Variants in LIN52 observed in about 807,000 individuals in gnomAD.
LIN52 encodes the protein lin-52 DREAM MuvB core complex component.
A neutral mutation model predicts 18.5 loss-of-function variants in LIN52; 4 were observed. The observed-to-expected ratio is 0.22, with a 90% CI of 0.11 to 0.49. The LOEUF (loss-of-function observed/expected upper bound fraction) is 0.49, where lower values mean the gene tolerates loss of function less well. LIN52 is among the 20% of genes least tolerant of loss of function. The pLI, the probability that LIN52 is intolerant of heterozygous loss-of-function variation, is 0.97. For synonymous variants in LIN52, 34 were observed against 45.5 expected (o/e 0.75, Z 1.02); for missense variants, 102 against 139.5 (o/e 0.73, Z 1.35).
chr14:74,099,704 G>A (rs1027868611), intron 4 of LIN52, among the ~76,000 whole-genome samples: 3 of 151,958 alleles, frequency 2.0e-5, no homozygotes, highest in East Asian at 1.9e-4. Flanking sequence ...GGGTTGGGGG[G>A]ACAGTGAGTT....
At chr14:74,091,163 T>G in intron 1 of LIN52, 69 bp from the exon 2 acceptor site, 562 of 1,110,324 alleles carry the variant, frequency 5.1e-4, no homozygotes, top group Non-Finnish European at 6.8e-4. Context: ...TTATGTCCTT[T>G]GAGATTGAAG....
At chr14:74,116,989 C>T (rs1366524285) in intron 5 of LIN52, among the ~76,000 whole-genome samples, 2 of 151,768 alleles carry the variant, frequency 1.3e-5, no homozygotes, top group Non-Finnish European at 2.9e-5. Context: ...GAAAAAAATA[C>T]TACTTAAAAA....
chr14:74,164,779 A>G (rs909102437), intron 5 of LIN52, among the ~76,000 whole-genome samples: 1 of 152,194 alleles, frequency 6.6e-6, no homozygotes, highest in African/African-American at 2.4e-5. Context: ...AGCAAAGCTT[A>G]CAGTCAACAA....
In LIN52 at chr14:74,135,267, G is replaced by T. The variant is rs555645755; in HGVS notation, c.283+34029G>T. Among the ~76,000 whole-genome samples the T allele has an allele frequency of 3.3e-4, 51 of 152,262 alleles. 1 individual carries two copies. Among genetic ancestry groups the T allele is most frequent in the African/African-American group, 1.2e-3 (48 of 41,550 alleles). On this transcript the variant is annotated intron_variant, in intron 5 of 5. Coordinates refer to ENST00000555028, the MANE Select transcript of LIN52 (RefSeq NM_001024674.3). ...TTTAGTAGAGACGGGGTTTCACCAT[G>T]TTGGCCAGGATATTCTTGATCTCCT...
chr14:74,085,044 TG>T, intron 1 of LIN52, 51 bp downstream of exon 1: 1 of 1,337,216 alleles, frequency 7.5e-7, no homozygotes, highest in Non-Finnish European at 9.7e-7. Context: ...TTTGCTCTAC[TG>T]GGAACATCCA....
At chr14:74,162,602 C>T (rs1401260602) in intron 5 of LIN52, among the ~76,000 whole-genome samples, 1 of 151,746 alleles carries the variant, frequency 6.6e-6, no homozygotes, top group Non-Finnish European at 1.5e-5. Context: ...TTATGTTGCC[C>T]AGGCTGGTCT....
At chr14:74,092,026 T>C (rs1288011024) in intron 2 of LIN52, among the ~76,000 whole-genome samples, 1 of 151,938 alleles carries the variant, frequency 6.6e-6, no homozygotes, top group East Asian at 1.9e-4. Context: ...CAGGGTGGAG[T>C]GCAGTGGTGC....
In LIN52 at chr14:74,123,374, C is replaced by T. The variant is rs114445431; in HGVS notation, c.283+22136C>T. Among the ~76,000 whole-genome samples, 1,055 of 152,206 alleles carry T rather than the reference C, an allele frequency of 6.9e-3. 15 individuals carry two copies. Among genetic ancestry groups the T allele is most frequent in the African/African-American group, 0.024 (1,016 of 41,518 alleles). ...TTGGATATATTGGGATTGGGAAGTC[C>T]TGGGCAGTAAGAATGAGGAACCAAG... On this transcript the variant is annotated intron_variant, in intron 5 of 5. Transcript: ENST00000555028.
chr14:74,091,773 C>CAAAAAA (rs573705378), intron 2 of LIN52, among the ~76,000 whole-genome samples: 1 of 65,296 alleles, frequency 1.5e-5, no homozygotes, highest in African/African-American at 5.9e-5. Flanking sequence ...GACTCTGTCT[C>CAAAAAA]AAAAAAAAAA....
intron 5 of LIN52, among the ~76,000 whole-genome samples, chr14:74,195,146 CA>C (rs994956709): frequency 3.3e-5 from 5 of 149,880 alleles, no homozygotes; most frequent in African/African-American, 1.2e-4. Context: ...GACTCTGTTT[CA>C]AAAAAAAAGA....
At chr14:74,088,374 A>T (rs2060749587) in intron 1 of LIN52, among the ~76,000 whole-genome samples, 1 of 151,838 alleles carries the variant, frequency 6.6e-6, no homozygotes, top group Admixed American at 6.6e-5. Flanking sequence ...TACAGGCGTG[A>T]GCCACCATGC....
intron 2 of LIN52, 97 bp downstream of exon 2, chr14:74,091,403 A>G: frequency 1.1e-6 from 1 of 912,220 alleles, no homozygotes; most frequent in Non-Finnish European, 1.6e-6. Flanking sequence ...GTAAATTTTT[A>G]TTTATTTTGA....
In LIN52 at chr14:74,130,209, C is replaced by CA. The variant is rs200244186; in HGVS notation, c.283+28979dup. Among the ~76,000 whole-genome samples, 657 of 136,448 alleles carry CA rather than the reference C, an allele frequency of 4.8e-3. 1 individual carries two copies. The highest frequency in any genetic ancestry group is 0.015 in the African/African-American group (545 of 36,138). The allele number at this position is 136,448 out of a possible 152,430, so 89.5% of individuals were successfully genotyped here. A position where few individuals can be genotyped will look rare whatever the true frequency, so the allele number is the denominator to read the frequency against. ...AGAGCCAAACCATATCACCCTGTCT[C>CA]AAAAAAAATAAATAAATTACATGAA... On this transcript the variant is annotated intron_variant, in intron 5 of 5. Coordinates refer to ENST00000555028, the MANE Select transcript of LIN52 (RefSeq NM_001024674.3).
At chr14:74,095,824 G>C (rs2060807870) in intron 2 of LIN52, 124 bp from the exon 3 acceptor site, 2 of 614,290 alleles carry the variant, frequency 3.3e-6, no homozygotes, top group Non-Finnish European at 5.5e-6. Flanking sequence ...TATAGTTATT[G>C]GTTTATTCTT....
At chr14:74,167,052 TC>T (rs1371291187) in intron 5 of LIN52, among the ~76,000 whole-genome samples, 2 of 148,004 alleles carry the variant, frequency 1.4e-5, no homozygotes, top group African/African-American at 5.0e-5. Flanking sequence ...AAGGCATGTA[TC>T]CCCAAACCAC....
intron 5 of LIN52, among the ~76,000 whole-genome samples, chr14:74,127,176 T>A (rs2061033969): frequency 6.6e-6 from 1 of 152,234 alleles, no homozygotes; most frequent in African/African-American, 2.4e-5. Context: ...AAGACAGATA[T>A]AGTTCCTGCT....
At chr14:74,137,018 A>G (rs768319717) in intron 5 of LIN52, among the ~76,000 whole-genome samples, 1 of 152,056 alleles carries the variant, frequency 6.6e-6, no homozygotes, top group Non-Finnish European at 1.5e-5. Flanking sequence ...CAATGCCACA[A>G]ATAGGTCAGG....
chr14:74,175,121 T>C (rs1334847678), intron 5 of LIN52, among the ~76,000 whole-genome samples: 1 of 151,506 alleles, frequency 6.6e-6, no homozygotes. Context: ...AGTGAGTGAG[T>C]GGTGAGTGAA....
At chr14:74,149,239 G>A (rs1356635979) in intron 5 of LIN52, among the ~76,000 whole-genome samples, 1 of 152,122 alleles carries the variant, frequency 6.6e-6, no homozygotes, top group Non-Finnish European at 1.5e-5. Flanking sequence ...TATCAGTTTT[G>A]GCTTGGCAGG....
Sources: allele counts gnomAD v4.1 joint callset (sites outside exome capture counted in the v4.1 genomes callset), GRCh38; gene constraint gnomAD v4.1.1; transcripts MANE v1.5; gene names NCBI Gene and HGNC (gene_info 2026-07-23, HGNC 2026-07-21).